The following ZFHX3 variants were observed in gnomAD, a reference collection of about 807,000 sequenced individuals.
ZFHX3 encodes zinc finger homeobox 3, also known as zinc finger homeobox protein 3.
In ZFHX3, 42 loss-of-function variants were observed where a neutral mutation model predicts 279.1. That is an observed-to-expected ratio of 0.15 (90% CI 0.12 to 0.19). ZFHX3 has a LOEUF of 0.19. ZFHX3 is among the 10% of genes least tolerant of loss of function. The probability of loss-of-function intolerance (pLI) is 1.00; values close to 1 mark genes in which losing one functional copy is unlikely to be tolerated. For missense variants in ZFHX3, 4,981 were observed against 4,754.0 expected, an observed-to-expected ratio of 1.05 and a Z score of -1.40; for synonymous variants, 2,293 against 1,957.8, an observed-to-expected ratio of 1.17 and a Z score of -4.52.
chr16:73,562,184 G>A (rs907329591), intron 2 of ZFHX3, among the ~76,000 whole-genome samples: 6 of 152,148 alleles, frequency 3.9e-5, no homozygotes, highest in African/African-American at 1.4e-4. Context: ...GTTCTGCCAA[G>A]ATAGCACCTA....
At chr16:73,788,322 G>A (rs79161787) in intron 1 of ZFHX3, among the ~76,000 whole-genome samples, 18,227 of 152,206 alleles carry the variant, frequency 0.12, 1,457 homozygotes, top group Non-Finnish European at 0.18. Flanking sequence ...AGTGGATAAA[G>A]GTCATCCCCT....
chr16:73,837,662 G>A (rs1439877310), intron 1 of ZFHX3, among the ~76,000 whole-genome samples: 5 of 151,608 alleles, frequency 3.3e-5, no homozygotes, highest in African/African-American at 1.2e-4. Flanking sequence ...TTTTCAGACG[G>A]AGTTTCGCTC....
chr16:73,785,757 T>C (rs1364996184), intron 1 of ZFHX3, among the ~76,000 whole-genome samples: 1 of 152,224 alleles, frequency 6.6e-6, no homozygotes, highest in Non-Finnish European at 1.5e-5. Flanking sequence ...TTGGGAAAGC[T>C]GATGTTATTC....
intron 2 of ZFHX3, among the ~76,000 whole-genome samples, chr16:73,610,743 G>A (rs1157161473): frequency 1.3e-5 from 2 of 152,232 alleles, no homozygotes; most frequent in East Asian, 3.8e-4. Context: ...GAAAGGGATT[G>A]TTACATATCT....
At chr16:73,424,670 C>G (rs2017778140) in intron 3 of ZFHX3, among the ~76,000 whole-genome samples, 1 of 140,630 alleles carries the variant, frequency 7.1e-6, no homozygotes, top group Non-Finnish European at 1.5e-5. Context: ...GGGAGGAGCA[C>G]TTGAGCCCAG....
At chr16:73,571,890 A>T (rs1384399658) in intron 2 of ZFHX3, among the ~76,000 whole-genome samples, 1 of 152,182 alleles carries the variant, frequency 6.6e-6, no homozygotes, top group East Asian at 1.9e-4. Context: ...TACATAATTC[A>T]TATATTAATA....
intron 4 of ZFHX3, among the ~76,000 whole-genome samples, chr16:73,313,771 G>T (rs1382048738): frequency 1.3e-5 from 2 of 152,198 alleles, no homozygotes; most frequent in Non-Finnish European, 2.9e-5. Flanking sequence ...TTAATTTTAT[G>T]TGTCAGCTTG....
chr16:73,390,952 C>G (rs1002701015), intron 3 of ZFHX3, among the ~76,000 whole-genome samples: 3 of 151,872 alleles, frequency 2.0e-5, no homozygotes, highest in Non-Finnish European at 2.9e-5. Flanking sequence ...ATTAAAGGCC[C>G]GAGAATAGTG....
At chr16:73,407,461 G>A (rs892956647) in intron 3 of ZFHX3, among the ~76,000 whole-genome samples, 1 of 152,174 alleles carries the variant, frequency 6.6e-6, no homozygotes, top group Non-Finnish European at 1.5e-5. Flanking sequence ...CTTGGCAGAG[G>A]ACACATCAGT....
intron 3 of ZFHX3, among the ~76,000 whole-genome samples, chr16:72,938,816 G>A (rs953020815): frequency 2.6e-5 from 4 of 152,148 alleles, no homozygotes; most frequent in Non-Finnish European, 4.4e-5. Flanking sequence ...GTCTTCCTCC[G>A]CTGACAGCTG....
chr16:72,929,553 C>T (rs1665493737), intron 3 of ZFHX3, among the ~76,000 whole-genome samples: 4 of 152,174 alleles, frequency 2.6e-5, no homozygotes, highest in Admixed American at 2.6e-4. Flanking sequence ...GCAAAGCTTA[C>T]AGGTCATCAT....
intron 4 of ZFHX3, among the ~76,000 whole-genome samples, chr16:73,311,265 C>T (rs977553177): frequency 6.6e-6 from 1 of 151,340 alleles, no homozygotes; most frequent in Non-Finnish European, 1.5e-5. Flanking sequence ...AACAAAAATA[C>T]ACAAACAAAC....
At chr16:73,385,534 A>G (rs972078956) in intron 3 of ZFHX3, among the ~76,000 whole-genome samples, 1 of 152,196 alleles carries the variant, frequency 6.6e-6, no homozygotes, top group African/African-American at 2.4e-5. Context: ...GTTTCAAGAA[A>G]AAGGATCCTG....
At chr16:73,235,255 G>A (rs970877803) in intron 5 of ZFHX3, among the ~76,000 whole-genome samples, 1 of 152,068 alleles carries the variant, frequency 6.6e-6, no homozygotes, top group Non-Finnish European at 1.5e-5. Context: ...ATTTTTAGTA[G>A]AGGCAGGGTT....
intron 1 of ZFHX3, among the ~76,000 whole-genome samples, chr16:72,990,499 G>C (rs889909566): frequency 2.0e-4 from 30 of 152,156 alleles, no homozygotes; most frequent in African/African-American, 7.0e-4. Flanking sequence ...CCCAGCCACG[G>C]ATGGGACAAA....
chr16:73,345,549 T>C (rs7197146), intron 3 of ZFHX3, among the ~76,000 whole-genome samples: 56,704 of 152,022 alleles, frequency 0.37, 11,958 homozygotes, highest in Middle Eastern at 0.48. Context: ...GCTCCATCCA[T>C]GTCCCTGCGA....
At chr16:73,573,150 T>C (rs2051759326) in intron 2 of ZFHX3, among the ~76,000 whole-genome samples, 1 of 152,166 alleles carries the variant, frequency 6.6e-6, no homozygotes, top group South Asian at 2.1e-4. Context: ...TTTATTGCAT[T>C]TTATGCACTG....
intron 5 of ZFHX3, among the ~76,000 whole-genome samples, chr16:73,163,598 T>A (rs1222751094): frequency 6.6e-6 from 1 of 152,212 alleles, no homozygotes; most frequent in Non-Finnish European, 1.5e-5. Flanking sequence ...TGCTGACTCT[T>A]GGAAGTGGAT....
At chr16:73,367,490 T>C (rs191171542) in intron 3 of ZFHX3, among the ~76,000 whole-genome samples, 5 of 152,128 alleles carry the variant, frequency 3.3e-5, no homozygotes, top group African/African-American at 1.2e-4. Context: ...CACAGAGACA[T>C]GAAAACATTC....
Sources: gnomAD v4.1 joint callset for allele counts (sites outside exome capture counted in the v4.1 genomes callset) on GRCh38, gnomAD v4.1.1 for gene constraint, MANE v1.5 for transcripts, NCBI Gene and HGNC (gene_info 2026-07-23, HGNC 2026-07-21) for gene names.